MTAP: variants seen among roughly 807,000 people sequenced by gnomAD.
The protein encoded by MTAP is S-methyl-5'-thioadenosine phosphorylase.
In MTAP, 33 loss-of-function variants were observed where a neutral mutation model predicts 33.6. That is an observed-to-expected ratio of 0.98 (90% CI 0.74 to 1.31). The LOEUF is 1.31. Among genes scored for constraint, MTAP ranks in the 40% most tolerant of loss-of-function variants. The probability of loss-of-function intolerance (pLI) is 0.00; values close to 1 mark genes in which losing one functional copy is unlikely to be tolerated. For missense variants in MTAP, 367 were observed against 360.0 expected, an observed-to-expected ratio of 1.02 and a Z score of -0.16; for synonymous variants, 148 against 125.7, an observed-to-expected ratio of 1.18 and a Z score of -1.19.
In MTAP at chr9:21,923,506, C is replaced by G. The variant is rs78265944; in HGVS notation, c.148-7502C>G. Reference sequence around the variant, plus strand: ...AAATAAACATTGCTGTTTTGAATCCCAGGGCTGCTGTTTATGTGAGCATAT... The same window carrying G: ...AAATAAACATTGCTGTTTTGAATCCGAGGGCTGCTGTTTATGTGAGCATAT... On this transcript the variant is annotated intron_variant, in intron 1 of 1. Transcript: ENST00000577563. 3.7e-3 allele frequency among the ~76,000 whole-genome samples: 556 copies of G among 152,270 alleles called. 12 individuals are homozygous for G. In the East Asian group the frequency reaches 0.048, roughly 13 times the overall value.
chr9:21,821,239 C>T (rs1047309485), intron 4 of MTAP, among the ~76,000 whole-genome samples: 4 of 152,280 alleles, frequency 2.6e-5, no homozygotes, highest in East Asian at 1.9e-4. Flanking sequence ...TTTGCCCATT[C>T]AGTATGATAT....
downstream of MTAP, chr9:21,941,060 T>A: frequency 1.1e-6 from 1 of 886,732 alleles, no homozygotes. Flanking sequence ...ATTTTCAAAC[T>A]CTGCATGTAT....
At chr9:21,821,510 T>C (rs1160075369) in intron 4 of MTAP, among the ~76,000 whole-genome samples, 1 of 152,238 alleles carries the variant, frequency 6.6e-6, no homozygotes, top group African/African-American at 2.4e-5. Context: ...TTTGATGTGC[T>C]GCTGGATTCA....
In MTAP at chr9:21,922,443, T is replaced by C. The variant is rs894418728; in HGVS notation, c.148-8565T>C. ...AAGTTACTTTACTTTCTTTCATTCC[T>C]GCTCTAAGAGTTTTTAATAAACTCT... On this transcript the variant is annotated intron_variant, in intron 1 of 1. Coordinates refer to the MTAP transcript ENST00000577563. This position sits in a 1 kb window ranked among gnomAD's most constrained non-coding sequence, Gnocchi z 4.8. 1.2e-4 allele frequency among the ~76,000 whole-genome samples: 19 copies of C among 152,142 alleles called. No homozygotes were observed. Among genetic ancestry groups the C allele is most frequent in the Non-Finnish European group, 2.5e-4 (17 of 68,030 alleles).
At chr9:21,826,511 G>T (rs985614888) in intron 4 of MTAP, among the ~76,000 whole-genome samples, 2 of 151,710 alleles carry the variant, frequency 1.3e-5, no homozygotes, top group African/African-American at 4.8e-5. Context: ...TGAATTCTTG[G>T]CAAGGATCCT....
At chr9:21,857,047 A>G (rs973900984) in intron 6 of MTAP, among the ~76,000 whole-genome samples, 3 of 152,174 alleles carry the variant, frequency 2.0e-5, no homozygotes, top group African/African-American at 7.2e-5. Context: ...TGGTCATCAG[A>G]TGGTGGCTCT....
downstream of MTAP, among the ~76,000 whole-genome samples, chr9:21,869,016 A>G (rs1025123131): frequency 6.6e-6 from 1 of 151,974 alleles, no homozygotes; most frequent in Non-Finnish European, 1.5e-5. Flanking sequence ...CAGACCCCAT[A>G]CCTCACACCT....
intron 4 of MTAP, among the ~76,000 whole-genome samples, chr9:21,828,716 G>A (rs556875152): frequency 2.4e-4 from 37 of 152,176 alleles, no homozygotes; most frequent in African/African-American, 8.4e-4. Flanking sequence ...AATTTAGCAT[G>A]AAATCTCAAT....
rs143958331 is a variant in MTAP at position 21,926,815 on chromosome 9, AC to A, written c.148-4192del. ...GGTACAAGATGTCTAAGGCCAAGGC[AC>A]ATCGATTAAGAAAAGAGGTTTAATA... On this transcript the variant is annotated intron_variant, in intron 1 of 1. Transcript: ENST00000577563. Among the ~76,000 whole-genome samples the A allele has an allele frequency of 7.0e-3, 1,072 of 152,290 alleles. 7 individuals are homozygous for A. Among genetic ancestry groups the A allele is most frequent in the African/African-American group, 0.024 (1,015 of 41,564 alleles).
At position 21,862,273 on chromosome 9, in the gene MTAP, C is replaced by A. The variant is rs78195856; in HGVS notation, c.*259C>A. The A allele has an allele frequency of 0.011, 8,561 of 753,330 alleles. 292 individuals are homozygous for A. Among genetic ancestry groups the A allele is most frequent in the African/African-American group, 0.092 (4,978 of 53,884 alleles). 46.7% of individuals were successfully genotyped at this position (753,330 alleles called of 1,614,324 possible). On this transcript the variant is annotated 3_prime_UTR_variant, in exon 8 of 8. Transcript: ENST00000644715. ...TTACATTTTAAGGGGGAAAAAAAAA[C>A]CCACCATTCTCTTCTCCCCCTATTA...
chr9:21,929,110 A>G (rs929562988), intron 1 of MTAP, among the ~76,000 whole-genome samples: 16 of 152,002 alleles, frequency 1.1e-4, no homozygotes, highest in African/African-American at 3.9e-4. Flanking sequence ...TCCAGTATCT[A>G]TTCCCACAGC....
Position 21,864,526 on chromosome 9 carries a change from C to T in MTAP, c.*2512C>T, listed in dbSNP as rs946222147. ...TAGAAGTCTTTGTTGGCCTTATAATCTGCTGTTATATTTGGCATGGATTTT... is the reference window on the plus strand; with the variant it reads ...TAGAAGTCTTTGTTGGCCTTATAATTTGCTGTTATATTTGGCATGGATTTT... On this transcript the variant is annotated 3_prime_UTR_variant, in exon 8 of 8. Transcript: ENST00000644715. The T allele has an allele frequency of 1.9e-5, 19 of 985,294 alleles. No individual in the cohort carries two copies. Among genetic ancestry groups the T allele is most frequent in the Non-Finnish European group, 2.3e-5 (19 of 829,946 alleles). The allele number at this position is 985,294 out of a possible 1,614,324, so 61.0% of individuals were successfully genotyped here.
downstream of MTAP, among the ~76,000 whole-genome samples, chr9:21,870,032 T>C (rs1825913256): frequency 6.6e-6 from 1 of 152,188 alleles, no homozygotes; most frequent in Non-Finnish European, 1.5e-5. Context: ...CCCTCCTGCC[T>C]TTAACATTAG....
Position 21,864,155 on chromosome 9 carries a change from G to T in MTAP, c.*2141G>T, listed in dbSNP as rs527567173. The T allele has an allele frequency of 7.1e-6, 7 of 985,350 alleles. No individual in the cohort carries two copies. The highest frequency in any genetic ancestry group is 8.4e-6 in the Non-Finnish European group (7 of 829,916). The allele number at this position is 985,350 out of a possible 1,614,324, so 61.0% of individuals were successfully genotyped here. Reference sequence around the variant, plus strand: ...GTACAGTTCTCTCCAACTTGCAGAGGTACTTTTCTTGATTAAATAGCCTTC... The same window carrying T: ...GTACAGTTCTCTCCAACTTGCAGAGTTACTTTTCTTGATTAAATAGCCTTC... On this transcript the variant is annotated 3_prime_UTR_variant, in exon 8 of 8. Coordinates refer to ENST00000644715, the MANE Select transcript of MTAP (RefSeq NM_002451.4).
intron 2 of MTAP, among the ~76,000 whole-genome samples, chr9:21,816,451 T>C (rs969305402): frequency 3.9e-5 from 6 of 152,162 alleles, no homozygotes; most frequent in African/African-American, 1.4e-4. Context: ...CAGAGTTCCC[T>C]GGGGTACTCG....
downstream of MTAP, chr9:21,935,206 T>C (rs769916966): frequency 3.3e-5 from 5 of 152,188 alleles, no homozygotes; most frequent in Non-Finnish European, 7.3e-5. Context: ...AATACAACAA[T>C]TGAATTGTAA....
At chr9:21,849,943 C>T (rs1825472382) in intron 5 of MTAP, among the ~76,000 whole-genome samples, 1 of 152,246 alleles carries the variant, frequency 6.6e-6, no homozygotes, top group African/African-American at 2.4e-5. Flanking sequence ...CCATAAGGAC[C>T]ACCAGAAGCA....
intron 6 of MTAP, among the ~76,000 whole-genome samples, chr9:21,857,306 T>C (rs1267036400): frequency 3.9e-5 from 6 of 152,196 alleles, no homozygotes. Context: ...AGACTCAGCT[T>C]AAAACATATC....
chr9:21,830,336 A>T (rs1413726856), intron 4 of MTAP, among the ~76,000 whole-genome samples: 1 of 152,236 alleles, frequency 6.6e-6, no homozygotes, highest in Non-Finnish European at 1.5e-5. Flanking sequence ...ATCAGAATCT[A>T]TACCAAGAAC....
Sources: allele counts gnomAD v4.1 joint callset (sites outside exome capture counted in the v4.1 genomes callset), GRCh38; gene constraint gnomAD v4.1.1; non-coding constraint Gnocchi (gnomAD v3.1); transcripts MANE v1.5; gene names NCBI Gene and HGNC (gene_info 2026-07-23, HGNC 2026-07-21).